SMAD3: variants seen among roughly 807,000 people sequenced by gnomAD.
The protein encoded by SMAD3 is SMAD family member 3.
Under a neutral mutation model 51.8 loss-of-function variants are expected in SMAD3, and 12 were observed. The observed-to-expected ratio is 0.23, with a 90% CI of 0.15 to 0.38. The LOEUF (loss-of-function observed/expected upper bound fraction) is 0.38, where lower values mean the gene tolerates loss of function less well. SMAD3 is among the 10% of genes least tolerant of loss of function. SMAD3 has a pLI of 1.00. For missense variants in SMAD3, 294 were observed against 565.6 expected (o/e 0.52, Z 4.87); for synonymous variants, 238 against 227.7 (o/e 1.05, Z -0.41).
Position 67,191,962 on chromosome 15 carries a change from C to A in SMAD3, c.*1426C>A, listed in dbSNP as rs1595967691. ...GGAAAAAAGAAAAAAGAGTCCTCTTCTTTTCCCAGCCTTTTGCAGAACACA... is the reference window on the plus strand; with the variant it reads ...GGAAAAAAGAAAAAAGAGTCCTCTTATTTTCCCAGCCTTTTGCAGAACACA... On this transcript the variant is annotated 3_prime_UTR_variant, in exon 9 of 9. Transcript: ENST00000327367. 4.4e-6 allele frequency: 1 copy of A among 229,290 alleles called. No individual in the cohort carries two copies. The highest frequency in any genetic ancestry group is 1.8e-4 in the South Asian group (1 of 5,488). The allele number at this position is 229,290 out of a possible 1,614,324, so 14.2% of individuals were successfully genotyped here.
At chr15:67,102,078 G>T (rs1960770366) in intron 1 of SMAD3, among the ~76,000 whole-genome samples, 1 of 152,196 alleles carries the variant, frequency 6.6e-6, no homozygotes, top group Non-Finnish European at 1.5e-5. Context: ...GTTTAAGGCT[G>T]TGTGAGTAGA....
intron 1 of SMAD3, among the ~76,000 whole-genome samples, chr15:67,153,594 C>A (rs895976917): frequency 2.0e-5 from 3 of 152,120 alleles, no homozygotes; most frequent in African/African-American, 7.2e-5. Flanking sequence ...GATTTGCCCC[C>A]CAGGGGACAT....
intron 1 of SMAD3, among the ~76,000 whole-genome samples, chr15:67,141,128 A>G (rs1961808985): frequency 6.6e-6 from 1 of 152,222 alleles, no homozygotes; most frequent in South Asian, 2.1e-4. Context: ...GGGTCTCCCA[A>G]TTCCGGCAAC....
At chr15:67,077,175 T>C (rs2140200513) in intron 1 of SMAD3, among the ~76,000 whole-genome samples, 1 of 151,422 alleles carries the variant, frequency 6.6e-6, no homozygotes, top group Middle Eastern at 3.4e-3. Flanking sequence ...CTACATATGG[T>C]GTGTAGGCCT....
At chr15:67,183,347 T>G (rs1267495440) in intron 6 of SMAD3, among the ~76,000 whole-genome samples, 1 of 151,956 alleles carries the variant, frequency 6.6e-6, no homozygotes, top group Non-Finnish European at 1.5e-5. Context: ...CCCGGCCTAT[T>G]TTTTTAAGTT....
Position 67,100,829 on chromosome 15 carries a change from A to C in SMAD3, c.206+34469A>C, listed in dbSNP as rs916096495. On this transcript the variant is annotated intron_variant, in intron 1 of 8. Transcript: ENST00000327367. Reference sequence around the variant, plus strand: ...AGGAACCAGAGACCCAGAGAGTGCTAGTGACTTGCTCAAGGGCACAGAGCA... The same window carrying C: ...AGGAACCAGAGACCCAGAGAGTGCTCGTGACTTGCTCAAGGGCACAGAGCA... 1.4e-4 allele frequency among the ~76,000 whole-genome samples: 22 copies of C among 152,320 alleles called. No individual in the cohort carries two copies. In the South Asian group the frequency reaches 4.4e-3, roughly 30 times the overall value.
intron 1 of SMAD3, among the ~76,000 whole-genome samples, chr15:67,158,369 G>A (rs1242838326): frequency 1.3e-5 from 2 of 152,230 alleles, no homozygotes; most frequent in African/African-American, 2.4e-5. Context: ...CCCAGACTCC[G>A]AACCAAGAGG....
At chr15:67,129,680 G>A (rs1961475539) in intron 1 of SMAD3, among the ~76,000 whole-genome samples, 1 of 152,138 alleles carries the variant, frequency 6.6e-6, no homozygotes, top group East Asian at 1.9e-4. Context: ...TTCTGGCCAT[G>A]TTAAAATGTA....
intron 1 of SMAD3, among the ~76,000 whole-genome samples, chr15:67,108,606 ATTC>A (rs1338017585): frequency 1.3e-5 from 2 of 152,126 alleles, no homozygotes; most frequent in African/African-American, 4.8e-5. Flanking sequence ...TTTCTGGGTT[ATTC>A]TTCTCACAGT....
chr15:67,153,654 G>A (rs571231454), intron 1 of SMAD3, among the ~76,000 whole-genome samples: 19 of 152,268 alleles, frequency 1.2e-4, no homozygotes, highest in African/African-American at 4.3e-4. Flanking sequence ...CTGCAGGTGG[G>A]TCACAGCTAC....
intron 1 of SMAD3, among the ~76,000 whole-genome samples, chr15:67,162,043 A>C (rs148114431): frequency 8.5e-5 from 13 of 152,276 alleles, no homozygotes; most frequent in African/African-American, 3.1e-4. Flanking sequence ...AGGTAATTAC[A>C]TCCTTCAAGA....
chr15:67,174,086 A>G (rs1332434786), intron 5 of SMAD3, among the ~76,000 whole-genome samples: 1 of 152,208 alleles, frequency 6.6e-6, no homozygotes, highest in Non-Finnish European at 1.5e-5. Context: ...GCCTGAGAGA[A>G]GGGGTTTGGT....
intron 5 of SMAD3, among the ~76,000 whole-genome samples, chr15:67,175,422 T>G (rs1962864252): frequency 6.6e-6 from 1 of 152,098 alleles, no homozygotes. Flanking sequence ...TGCTGTGAAT[T>G]GCCCTCTAGA....
intron 1 of SMAD3, among the ~76,000 whole-genome samples, chr15:67,069,831 G>A (rs1057103126): frequency 6.6e-6 from 1 of 152,006 alleles, no homozygotes; most frequent in Non-Finnish European, 1.5e-5. Flanking sequence ...TCAGCCTCCC[G>A]AGTAGCTGGG....
At chr15:67,177,874 G>C (rs1264154005) in intron 5 of SMAD3, among the ~76,000 whole-genome samples, 1 of 152,174 alleles carries the variant, frequency 6.6e-6, no homozygotes, top group Admixed American at 6.5e-5. Context: ...ACCTAGAAAG[G>C]AGGGAAATCA....
intron 1 of SMAD3, among the ~76,000 whole-genome samples, chr15:67,074,776 G>A (rs1380932715): frequency 3.3e-5 from 5 of 152,076 alleles, no homozygotes; most frequent in African/African-American, 9.7e-5. Context: ...TGCAACCTCC[G>A]CCTCCCAGGT....
rs116078642 is a variant in SMAD3, at chr15:67,093,147, A to G, written c.206+26787A>G. 3.5e-3 allele frequency among the ~76,000 whole-genome samples: 531 copies of G among 152,316 alleles called. 3 individuals carry two copies. Among genetic ancestry groups the G allele is most frequent in the African/African-American group, 0.012 (503 of 41,562 alleles). On this transcript the variant is annotated intron_variant, in intron 1 of 8. Coordinates refer to ENST00000327367, the MANE Select transcript of SMAD3 (RefSeq NM_005902.4). The stretch of plus-strand genomic sequence containing the variant: ...ATGTCTAGCCACTTGTTAGAGGGGA[A>G]GGAACCCTGGTGTCAGGACAGGACT...
At chr15:67,161,228 C>T (rs1226708644) in intron 1 of SMAD3, among the ~76,000 whole-genome samples, 1 of 152,196 alleles carries the variant, frequency 6.6e-6, no homozygotes, top group African/African-American at 2.4e-5. Flanking sequence ...TGAAGCCAGT[C>T]GTCCATATAT....
chr15:67,179,803 C>A lies in SMAD3; in HGVS notation c.659-1438C>A, dbSNP rs563235973. The stretch of plus-strand genomic sequence containing the variant: ...CATCCAGTGAGCAGGGTTCTCAGGC[C>A]AGGGCTGAGACGTGGGCATGGGGAG... On this transcript the variant is annotated intron_variant, in intron 5 of 8. Transcript: ENST00000327367. Among the ~76,000 whole-genome samples the A allele has an allele frequency of 1.3e-4, 20 of 152,164 alleles. 1 individual carries two copies. In the South Asian group the frequency reaches 4.2e-3, roughly 32 times the overall value.
Sources: allele counts gnomAD v4.1 joint callset (sites outside exome capture counted in the v4.1 genomes callset), GRCh38; gene constraint gnomAD v4.1.1; transcripts MANE v1.5; gene names NCBI Gene and HGNC (gene_info 2026-07-23, HGNC 2026-07-21).